AKAP8: variants seen among roughly 807,000 people sequenced by gnomAD.
AKAP8 encodes the protein A-kinase anchoring protein 8.
In AKAP8, 24 loss-of-function variants were observed where a neutral mutation model predicts 67.5. The ratio of observed to expected loss-of-function variants is 0.36; its 90% CI spans 0.26 to 0.50. The LOEUF is 0.50. Among genes scored for constraint, AKAP8 ranks in the 20% least tolerant of loss-of-function variants. The pLI is 0.97. For missense variants in AKAP8, 971 were observed against 955.9 expected (o/e 1.02, Z -0.21); for synonymous variants, 400 against 371.1 (o/e 1.08, Z -0.90).
chr19:15,358,978 T>C lies in AKAP8; in HGVS notation c.1612A>G (p.Lys538Glu). 1 of 1,614,158 alleles carries C rather than the reference T, an allele frequency of 6.2e-7. No individual in the cohort carries two copies. Residue 538 changes from lysine to glutamate, a missense_variant, in exon 13 of 14, where the codon AAA (lysine) becomes GAA (glutamate). Transcript: ENST00000269701. ...NNRHIVKMLE[K>E]YLKGEDPFTS... ...TTGCAAGCACAAACCTTGAGGTATT[T>C]TTCCAGCATCTTCACTATATGTCTG...
At chr19:15,363,148 G>T (rs1453102962) in intron 9 of AKAP8, among the ~76,000 whole-genome samples, 2 of 151,042 alleles carry the variant, frequency 1.3e-5, no homozygotes, top group Non-Finnish European at 3.0e-5. Flanking sequence ...GAAGTAAGGA[G>T]CCCCTCCGCC....
chr19:15,374,664 C>T (rs757060544), intron 2 of AKAP8, 29 bp from the exon 3 acceptor site: 3 of 1,613,056 alleles, frequency 1.9e-6, no homozygotes, highest in Non-Finnish European at 2.5e-6. Flanking sequence ...ACACAAGAGC[C>T]CTGTTTGCAG....
rs893009931 is a variant in AKAP8 at position 15,367,174 on chromosome 19, G to A, written c.1160+1061C>T. Among the ~76,000 whole-genome samples the A allele has an allele frequency of 1.1e-4, 16 of 152,192 alleles. 1 individual carries two copies. The highest frequency in any genetic ancestry group is 9.2e-4 in the Admixed American group (14 of 15,278). On this transcript the variant is annotated intron_variant, in intron 9 of 13. Transcript: ENST00000269701. ...CGCCAGCTCAGCCTTCCAAAGTGCT[G>A]GAATTACATGTGTGAGCCACGGCAT...
chr19:15,372,465 G>T (rs1440055264), intron 5 of AKAP8, 118 bp from the exon 6 acceptor site: 2 of 1,365,262 alleles, frequency 1.5e-6, no homozygotes, highest in Non-Finnish European at 2.0e-6. Context: ...TTTTCAAAAA[G>T]CAAAGAGACA....
rs1167110644 is a variant in AKAP8, at chr19:15,369,713, C to T, written c.1072+433G>A. ...TGCAGTGCAGCTGCCAGTATCCCCACCACAGAGGCCCACAGCACAGCCCAG... is the reference window on the plus strand; with the variant it reads ...TGCAGTGCAGCTGCCAGTATCCCCATCACAGAGGCCCACAGCACAGCCCAG... On this transcript the variant is annotated intron_variant, in intron 8 of 13. Coordinates refer to ENST00000269701, the MANE Select transcript of AKAP8 (RefSeq NM_005858.4). This position sits in a 1 kb window ranked among gnomAD's most constrained non-coding sequence, Gnocchi z 4.6. Among the ~76,000 whole-genome samples the T allele has an allele frequency of 1.3e-5, 2 of 152,202 alleles. No homozygotes were observed. The highest frequency in any genetic ancestry group is 4.8e-5 in the African/African-American group (2 of 41,444).
At chr19:15,364,361 A>AT (rs1967036285) in intron 9 of AKAP8, among the ~76,000 whole-genome samples, 1 of 146,532 alleles carries the variant, frequency 6.8e-6, no homozygotes, top group Non-Finnish European at 1.5e-5. Flanking sequence ...TTATTTATTT[A>AT]TTTTTTTGAG....
At chr19:15,374,457 A>G in intron 3 of AKAP8, 146 bp downstream of exon 3, 1 of 974,370 alleles carries the variant, frequency 1.0e-6, no homozygotes, top group Non-Finnish European at 1.5e-6. Context: ...GTCCCCCCAT[A>G]TACACAACAG....
chr19:15,362,470 GC>G (rs1006293484), intron 9 of AKAP8, among the ~76,000 whole-genome samples: 4 of 151,164 alleles, frequency 2.6e-5, no homozygotes, highest in African/African-American at 9.7e-5. Context: ...TGATTCTCCT[GC>G]CTCAGCCTGC....
chr19:15,358,405 A>C (rs1232105601), intron 13 of AKAP8, among the ~76,000 whole-genome samples: 1 of 149,274 alleles, frequency 6.7e-6, no homozygotes, highest in Non-Finnish European at 1.5e-5. Flanking sequence ...CCTGGGCTGG[A>C]GTGTAGTGGC....
chr19:15,371,344 G>A (rs778923104), intron 7 of AKAP8, among the ~76,000 whole-genome samples: 8 of 152,156 alleles, frequency 5.3e-5, no homozygotes, highest in African/African-American at 1.7e-4. Flanking sequence ...ACCAGTCAGC[G>A]GCACCCGGCA....
chr19:15,378,558 A>G (rs1398748835), intron 1 of AKAP8, among the ~76,000 whole-genome samples: 2 of 152,226 alleles, frequency 1.3e-5, no homozygotes, highest in Non-Finnish European at 2.9e-5. Context: ...GAAGACCAGG[A>G]GAGCCAGGCT....
In AKAP8 at chr19:15,355,149, G is replaced by T; in HGVS notation, c.1845C>A (p.Ala615=). Reference sequence around the variant, plus strand: ...GCTGTTCGGCTTGAGGATCACTACCGGCCTCCGCTGTGTCCGTGGGGCCTT... The same window carrying T: ...GCTGTTCGGCTTGAGGATCACTACCTGCCTCCGCTGTGTCCGTGGGGCCTT... The part of the protein sequence containing the change: ...EDEGPTDTAE[A]GSDPQAEQLL... Residue 615 remains alanine (A), a synonymous_variant, in exon 14 of 14, where the codon GCC becomes GCA. Transcript: ENST00000269701. 1 of 1,613,050 alleles carries T rather than the reference G, an allele frequency of 6.2e-7. No individual in the cohort carries two copies. The highest frequency in any genetic ancestry group is 8.5e-7 in the Non-Finnish European group (1 of 1,180,022).
Position 15,354,932 on chromosome 19 carries a change from C to T in AKAP8, c.2062G>A (p.Ala688Thr), listed in dbSNP as rs749222352. The T allele has an allele frequency of 6.2e-6, 10 of 1,613,756 alleles. No individual in the cohort carries two copies. Among genetic ancestry groups the T allele is most frequent in the Non-Finnish European group, 7.6e-6 (9 of 1,179,862 alleles). The change falls in exon 14 of 14, where the codon GCT (alanine) becomes ACT (threonine). Residue 688 changes from alanine (A) to threonine (T), a missense_variant. Ala to Thr is a moderately conservative substitution (Grantham distance 58, BLOSUM62 0). Coordinates refer to ENST00000269701, the MANE Select transcript of AKAP8 (RefSeq NM_005858.4). ...AATGAGCATCATTCTGTGGGAACAG[C>T]GTCTTTAGACTCTGCATCAGTTTGT... ...VEQTDAESKDAVPTE is the reference protein window; with the variant it reads ...VEQTDAESKDTVPTE
At chr19:15,357,482 A>T (rs1028104440) in intron 13 of AKAP8, among the ~76,000 whole-genome samples, 1 of 143,070 alleles carries the variant, frequency 7.0e-6, no homozygotes, top group Non-Finnish European at 1.5e-5. Flanking sequence ...GTGGTGTACT[A>T]TTGCAGTCCC....
chr19:15,375,636 T>A (rs936963962), intron 2 of AKAP8, among the ~76,000 whole-genome samples: 1 of 55,982 alleles, frequency 1.8e-5, no homozygotes, highest in African/African-American at 8.3e-5. Context: ...GCAAGATTTT[T>A]TTTTTGTTTT....
At chr19:15,368,622 C>T in intron 8 of AKAP8, 1 of 985,250 alleles carries the variant, frequency 1.0e-6, no homozygotes, top group Non-Finnish European at 1.2e-6. Flanking sequence ...TCTGTCCTCC[C>T]CATTCTGCTT....
chr19:15,360,160 A>C (rs1966943054), intron 12 of AKAP8, among the ~76,000 whole-genome samples: 1 of 152,050 alleles, frequency 6.6e-6, no homozygotes, highest in Non-Finnish European at 1.5e-5. Flanking sequence ...ACAAAAACGT[A>C]AACCAAAAAA....
At chr19:15,361,103 T>G in intron 11 of AKAP8, 125 bp from the exon 12 acceptor site, 1 of 1,204,396 alleles carries the variant, frequency 8.3e-7, no homozygotes, top group Non-Finnish European at 1.1e-6. Context: ...CCTGCCTTTC[T>G]ATGGGGAGTA....
intron 13 of AKAP8, among the ~76,000 whole-genome samples, chr19:15,355,915 T>C (rs1360845566): frequency 3.3e-5 from 5 of 151,924 alleles, no homozygotes; most frequent in Admixed American, 3.3e-4. Flanking sequence ...TTTGTATTTT[T>C]AGTGGAGACG....
Sources: allele counts gnomAD v4.1 joint callset (sites outside exome capture counted in the v4.1 genomes callset), GRCh38; gene constraint gnomAD v4.1.1; non-coding constraint Gnocchi (gnomAD v3.1); transcripts MANE v1.5; gene names NCBI Gene and HGNC (gene_info 2026-07-23, HGNC 2026-07-21).